Variants in SCN9A observed in about 807,000 individuals in gnomAD.
SCN9A encodes the protein sodium voltage-gated channel alpha subunit 9.
A neutral mutation model predicts 187.0 loss-of-function variants in SCN9A; 131 were observed. That is an observed-to-expected ratio of 0.70 (90% CI 0.61 to 0.81). The LOEUF (loss-of-function observed/expected upper bound fraction) is 0.81, where lower values mean the gene tolerates loss of function less well. Among genes scored for constraint, SCN9A ranks in the 30% least tolerant of loss-of-function variants. The pLI, the probability that SCN9A is intolerant of heterozygous loss-of-function variation, is 0.00. For synonymous variants in SCN9A, 809 were observed against 808.6 expected (o/e 1.00, Z -0.01); for missense variants, 2,252 against 2,396.6 (o/e 0.94, Z 1.26).
In SCN9A at chr2:166,310,409, AAAAC is replaced by A. The variant is rs1231484637; in HGVS notation, c.258+1086_258+1089del. On this transcript the variant is annotated intron_variant, in intron 2 of 26. Transcript: ENST00000642356. ...TGAACTCAAACAAATTTACAAGAAA[AAAAC>A]AAACAACCCCATCAAAAAGTGGGCA... is the stretch of plus-strand genomic sequence containing the variant. 4.8e-5 allele frequency among the ~76,000 whole-genome samples: 4 copies of A among 82,908 alleles called. 1 individual carries two copies. The highest frequency in any genetic ancestry group is 3.1e-4 in the Admixed American group (3 of 9,638). The allele number at this position is 82,908 out of a possible 152,430, so 54.4% of individuals were successfully genotyped here. A position where few individuals can be genotyped will look rare whatever the true frequency, so the allele number is the denominator to read the frequency against.
chr2:166,318,596 A>G (rs1699165042), intron 1 of SCN9A, among the ~76,000 whole-genome samples: 1 of 152,088 alleles, frequency 6.6e-6, no homozygotes. Context: ...ATAGGCTACC[A>G]AAAACAACAA....
chr2:166,272,314 A>G, intron 17 of SCN9A, 85 bp downstream of exon 17: 1 of 902,302 alleles, frequency 1.1e-6, no homozygotes, highest in Non-Finnish European at 1.6e-6. Flanking sequence ...TGTTAAGAAG[A>G]ACTTATGACA....
chr2:166,338,791 C>T (rs1166382624), intron 1 of SCN9A, among the ~76,000 whole-genome samples: 4 of 152,022 alleles, frequency 2.6e-5, no homozygotes, highest in South Asian at 2.1e-4. Flanking sequence ...TTGTAGAATG[C>T]GTCTCAACTT....
At position 166,272,637 on chromosome 2, in the gene SCN9A, A is replaced by G; in HGVS notation, c.3113T>C (p.Ile1038Thr). 1 of 1,613,210 alleles carries G rather than the reference A, an allele frequency of 6.2e-7. No individual in the cohort carries two copies. Among genetic ancestry groups the G allele is most frequent in the South Asian group, 1.1e-5 (1 of 91,044 alleles). ...EDLNTKKENY[I>T]SNHTLAEMSK... ...CATTTCAGCAAGTGTATGGTTAGAA[A>G]TATAGTTTTCCTTCTTAGTATTCAG... The change falls in exon 17 of 27, where the codon ATT (isoleucine) becomes ACT (threonine). Residue 1038 changes from isoleucine (I) to threonine (T), a missense_variant. Physicochemically the swap from Ile to Thr is moderately conservative, Grantham distance 89. This residue lies in a region of SCN9A where 313 missense variants were observed against 295.3 expected (regional missense o/e 1.06). Coordinates refer to ENST00000642356, the MANE Select transcript of SCN9A (RefSeq NM_001365536.1).
At chr2:166,297,995 C>G (rs748017655) in intron 7 of SCN9A, among the ~76,000 whole-genome samples, 1 of 152,004 alleles carries the variant, frequency 6.6e-6, no homozygotes, top group Admixed American at 6.6e-5. Flanking sequence ...GGTAATTCTG[C>G]CCTTGCTCAG....
At chr2:166,317,274 C>G (rs902187934) in intron 1 of SCN9A, among the ~76,000 whole-genome samples, 1 of 151,780 alleles carries the variant, frequency 6.6e-6, no homozygotes, top group Admixed American at 6.6e-5. Flanking sequence ...TTTATATAGT[C>G]AATGAAATCA....
At chr2:166,340,457 T>C (rs1373966492) in intron 1 of SCN9A, among the ~76,000 whole-genome samples, 2 of 152,172 alleles carry the variant, frequency 1.3e-5, no homozygotes, top group Non-Finnish European at 2.9e-5. Flanking sequence ...CCTCTAATCA[T>C]ATCACAACGT....
chr2:166,329,284 A>G (rs1699439503), intron 1 of SCN9A, among the ~76,000 whole-genome samples: 1 of 152,140 alleles, frequency 6.6e-6, no homozygotes, highest in African/African-American at 2.4e-5. Flanking sequence ...AATTACCAAA[A>G]CAAAATGAAG....
chr2:166,349,775 C>T (rs1216151446), intron 1 of SCN9A, among the ~76,000 whole-genome samples: 1 of 152,046 alleles, frequency 6.6e-6, no homozygotes, highest in African/African-American at 2.4e-5. Flanking sequence ...GAGTTCGAGA[C>T]CAGTCTGACC....
chr2:166,332,182 TG>T (rs1699520439), intron 1 of SCN9A, among the ~76,000 whole-genome samples: 1 of 152,202 alleles, frequency 6.6e-6, no homozygotes, highest in African/African-American at 2.4e-5. Context: ...GCTGGGTCTA[TG>T]TACAGCTATA....
chr2:166,350,928 C>T (rs1018543723), intron 1 of SCN9A, among the ~76,000 whole-genome samples: 3 of 152,102 alleles, frequency 2.0e-5, no homozygotes, highest in Non-Finnish European at 4.4e-5. Context: ...AAAGCGAATG[C>T]TATTTTGACG....
At chr2:166,269,386 C>T (rs1696877882) in intron 17 of SCN9A, among the ~76,000 whole-genome samples, 1 of 151,978 alleles carries the variant, frequency 6.6e-6, no homozygotes, top group South Asian at 2.1e-4. Context: ...AGCTGCATGG[C>T]TTTATACCCC....
chr2:166,231,452 C>T (rs1695079618), intron 21 of SCN9A, among the ~76,000 whole-genome samples: 1 of 151,346 alleles, frequency 6.6e-6, no homozygotes, highest in Non-Finnish European at 1.5e-5. Context: ...GCTGAAAGAT[C>T]TCTAATGTTC....
intron 7 of SCN9A, among the ~76,000 whole-genome samples, chr2:166,297,520 T>C (rs2106512033): frequency 6.6e-6 from 1 of 152,184 alleles, no homozygotes; most frequent in South Asian, 2.1e-4. Flanking sequence ...CAAAAAGCCA[T>C]ATATTATATG....
At chr2:166,249,888 A>T (rs1363995721) in intron 18 of SCN9A, among the ~76,000 whole-genome samples, 2 of 152,090 alleles carry the variant, frequency 1.3e-5, no homozygotes. Flanking sequence ...ATGAATAGGG[A>T]AAATCTTGGT....
chr2:166,256,644 T>C (rs1466588293), intron 17 of SCN9A, among the ~76,000 whole-genome samples: 1 of 151,438 alleles, frequency 6.6e-6, no homozygotes, highest in Non-Finnish European at 1.5e-5. Context: ...GAAAACCAAT[T>C]TTTTTTCCTT....
intron 7 of SCN9A, among the ~76,000 whole-genome samples, chr2:166,297,925 T>C (rs1389510978): frequency 3.3e-5 from 5 of 152,060 alleles, no homozygotes; most frequent in Non-Finnish European, 2.9e-5. Flanking sequence ...CTAATGAAGA[T>C]TCTGGGTGAA....
At chr2:166,269,235 A>G (rs555017491) in intron 17 of SCN9A, among the ~76,000 whole-genome samples, 2 of 152,162 alleles carry the variant, frequency 1.3e-5, no homozygotes, top group South Asian at 4.1e-4. Context: ...GGCTCATGGA[A>G]TAAGTGACAG....
intron 1 of SCN9A, among the ~76,000 whole-genome samples, chr2:166,341,021 T>C (rs1231882358): frequency 6.6e-6 from 1 of 152,216 alleles, no homozygotes; most frequent in Non-Finnish European, 1.5e-5. Flanking sequence ...TTTGTATTAT[T>C]ATGTGCATTG....
Sources: allele counts gnomAD v4.1 joint callset (sites outside exome capture counted in the v4.1 genomes callset), GRCh38; gene constraint gnomAD v4.1.1; regional missense constraint gnomAD v4.1.1; transcripts MANE v1.5; gene names NCBI Gene and HGNC (gene_info 2026-07-23, HGNC 2026-07-21).